The following DENND5A variants were observed in gnomAD, a reference collection of about 807,000 sequenced individuals.
DENND5A encodes DENN domain containing 5A, also known as DENN domain-containing protein 5A.
A neutral mutation model predicts 140.3 loss-of-function variants in DENND5A; 64 were observed. The ratio of observed to expected loss-of-function variants is 0.46; its 90% CI spans 0.37 to 0.56. DENND5A has a LOEUF of 0.56. Among genes scored for constraint, DENND5A ranks in the 20% least tolerant of loss-of-function variants. The pLI is 0.00. For synonymous variants in DENND5A, 605 were observed against 607.7 expected (o/e 1.00, Z 0.07); for missense variants, 1,292 against 1,593.8 (o/e 0.81, Z 3.22).
intron 1 of DENND5A, among the ~76,000 whole-genome samples, chr11:9,256,327 G>A (rs1392630478): frequency 2.6e-5 from 4 of 151,776 alleles, no homozygotes; most frequent in Non-Finnish European, 5.9e-5. Flanking sequence ...AGGCGTGGTG[G>A]TACATGCCTG....
Position 9,179,076 on chromosome 11 carries a change from A to G in DENND5A, c.1456-3T>C. ...CTGGGGTCTTCACGCACTTCCAACT[A>G]CAAAAAAAGAAAAAGCAGTTGAGAA... is the stretch of plus-strand genomic sequence containing the variant. On this transcript the variant is annotated splice_polypyrimidine_tract_variant and splice_region_variant and intron_variant, in intron 6 of 22. Coordinates refer to ENST00000328194, the MANE Select transcript of DENND5A (RefSeq NM_015213.4). 1 of 1,612,796 alleles carries G rather than the reference A, an allele frequency of 6.2e-7. No individual in the cohort carries two copies. Among genetic ancestry groups the G allele is most frequent in the Non-Finnish European group, 8.5e-7 (1 of 1,179,256 alleles).
At chr11:9,207,019 T>G (rs988287859) in intron 2 of DENND5A, among the ~76,000 whole-genome samples, 3 of 152,032 alleles carry the variant, frequency 2.0e-5, no homozygotes, top group Non-Finnish European at 4.4e-5. Flanking sequence ...TTCTTCAAAA[T>G]GAAATTACTA....
chr11:9,196,636 G>T (rs980405164), intron 4 of DENND5A, among the ~76,000 whole-genome samples: 1 of 151,584 alleles, frequency 6.6e-6, no homozygotes, highest in Non-Finnish European at 1.5e-5. Context: ...TTGGAGACAG[G>T]GTCTTGCTCT....
At chr11:9,262,794 T>C (rs1378295688) in intron 1 of DENND5A, among the ~76,000 whole-genome samples, 5 of 151,902 alleles carry the variant, frequency 3.3e-5, no homozygotes, top group South Asian at 4.1e-4. Flanking sequence ...AGTGCTGGAG[T>C]GCAGTGGCGC....
At chr11:9,187,559 T>C (rs1359848404) in intron 5 of DENND5A, among the ~76,000 whole-genome samples, 1 of 152,118 alleles carries the variant, frequency 6.6e-6, no homozygotes, top group Non-Finnish European at 1.5e-5. Context: ...ATGTTATTCA[T>C]TGAAAAGGAG....
intron 12 of DENND5A, among the ~76,000 whole-genome samples, chr11:9,158,312 A>AG (rs1847874746): frequency 6.6e-6 from 1 of 151,988 alleles, no homozygotes; most frequent in Admixed American, 6.6e-5. Context: ...TGGGGGGCTG[A>AG]GGCAGGAGGA....
chr11:9,223,296 G>A (rs1023056810), intron 1 of DENND5A, among the ~76,000 whole-genome samples: 2 of 152,086 alleles, frequency 1.3e-5, no homozygotes, highest in South Asian at 2.1e-4. Context: ...GGGAGGCTGA[G>A]GTGGGCAGAA....
At chr11:9,225,773 A>G (rs539808237) in intron 1 of DENND5A, among the ~76,000 whole-genome samples, 5 of 150,448 alleles carry the variant, frequency 3.3e-5, no homozygotes, top group African/African-American at 1.2e-4. Flanking sequence ...AAAAATATAT[A>G]TAAGTAATAA....
At chr11:9,263,799 G>C (rs111528960) in intron 1 of DENND5A, among the ~76,000 whole-genome samples, 396 of 139,296 alleles carry the variant, frequency 2.8e-3, no homozygotes, top group Admixed American at 7.4e-3. Context: ...CCGAGATTGC[G>C]CCACTGCAGT....
chr11:9,144,907 C>T, intron 18 of DENND5A, 88 bp downstream of exon 18: 4 of 926,648 alleles, frequency 4.3e-6, no homozygotes, highest in Admixed American at 3.6e-5. Flanking sequence ...CCTAAAGGGT[C>T]TCCTTGGGAA....
chr11:9,212,873 G>A (rs1435094657), intron 1 of DENND5A, among the ~76,000 whole-genome samples: 2 of 152,092 alleles, frequency 1.3e-5, no homozygotes, highest in Non-Finnish European at 2.9e-5. Flanking sequence ...TGGGGAAGGG[G>A]GAGAGTTGGG....
intron 5 of DENND5A, among the ~76,000 whole-genome samples, chr11:9,187,942 T>C (rs1035279757): frequency 1.3e-5 from 2 of 152,156 alleles, no homozygotes; most frequent in Non-Finnish European, 2.9e-5. Context: ...ACACTCTCTG[T>C]CCCTCTGGAG....
intron 12 of DENND5A, among the ~76,000 whole-genome samples, chr11:9,152,943 A>C (rs1401818705): frequency 6.6e-6 from 1 of 151,410 alleles, no homozygotes; most frequent in Admixed American, 6.6e-5. Context: ...GGTTGCAGTG[A>C]GCCTAGATCG....
chr11:9,204,392 A>G (rs1849627255), intron 3 of DENND5A, 75 bp from the exon 4 acceptor site: 1 of 1,421,920 alleles, frequency 7.0e-7, no homozygotes, highest in African/African-American at 1.4e-5. Context: ...ATCACTATTT[A>G]TTTATTTATA....
At chr11:9,224,831 C>A (rs1850465812) in intron 1 of DENND5A, among the ~76,000 whole-genome samples, 1 of 148,614 alleles carries the variant, frequency 6.7e-6, no homozygotes. Context: ...GCACTCCAGC[C>A]TGGGCAACAG....
At chr11:9,241,692 A>G (rs760320800) in intron 1 of DENND5A, among the ~76,000 whole-genome samples, 4 of 152,144 alleles carry the variant, frequency 2.6e-5, no homozygotes, top group Non-Finnish European at 5.9e-5. Flanking sequence ...TCATCCTCTC[A>G]GTGAGGTATA....
intron 3 of DENND5A, among the ~76,000 whole-genome samples, chr11:9,206,103 A>G (rs1432314819): frequency 2.0e-5 from 3 of 152,244 alleles, no homozygotes; most frequent in Non-Finnish European, 4.4e-5. Flanking sequence ...TGTAAAGAGT[A>G]CTGTAAGGAT....
chr11:9,184,643 A>C (rs1848846370), intron 5 of DENND5A, among the ~76,000 whole-genome samples: 1 of 152,206 alleles, frequency 6.6e-6, no homozygotes, highest in Non-Finnish European at 1.5e-5. Context: ...TTGCCAACAA[A>C]ATGAGCATAA....
intron 1 of DENND5A, among the ~76,000 whole-genome samples, chr11:9,236,847 A>G (rs1851025281): frequency 6.6e-6 from 1 of 152,176 alleles, no homozygotes; most frequent in South Asian, 2.1e-4. Flanking sequence ...TTATAAATAT[A>G]TATTATGTGT....
Sources: allele counts gnomAD v4.1 joint callset (sites outside exome capture counted in the v4.1 genomes callset), GRCh38; gene constraint gnomAD v4.1.1; transcripts MANE v1.5; gene names NCBI Gene and HGNC (gene_info 2026-07-23, HGNC 2026-07-21).